The following GLI2 variants were observed in gnomAD, a reference collection of about 807,000 sequenced individuals.
The protein encoded by GLI2 is GLI family zinc finger 2, also known as transcription activator GLI2.
In GLI2, 22 loss-of-function variants were observed where a neutral mutation model predicts 78.9. The ratio of observed to expected loss-of-function variants is 0.28; its 90% CI spans 0.20 to 0.40. The LOEUF (loss-of-function observed/expected upper bound fraction) is 0.40. GLI2 is among the 10% of genes least tolerant of loss of function. The probability of loss-of-function intolerance (pLI) is 1.00; values close to 1 mark genes in which losing one functional copy is unlikely to be tolerated. For missense variants in GLI2, 2,097 were observed against 2,213.2 expected (o/e 0.95, Z 1.05); for synonymous variants, 974 against 963.7 (o/e 1.01, Z -0.20).
chr2:120,923,409 A>G (rs914853435), intron 2 of GLI2, among the ~76,000 whole-genome samples: 1 of 152,102 alleles, frequency 6.6e-6, no homozygotes, highest in African/African-American at 2.4e-5. Flanking sequence ...ACATGCATGT[A>G]CATATACACA....
intron 3 of GLI2, among the ~76,000 whole-genome samples, chr2:120,935,445 T>C (rs540475728): frequency 6.6e-6 from 1 of 152,298 alleles, no homozygotes; most frequent in South Asian, 2.1e-4. Context: ...CACTGTGATG[T>C]AAACGGCCCT....
chr2:120,844,735 TGCACCCCAAAGGGCACTTACTTTCTGGG>T (rs1687032971), intron 2 of GLI2, among the ~76,000 whole-genome samples: 1 of 151,454 alleles, frequency 6.6e-6, no homozygotes, highest in Non-Finnish European at 1.5e-5. Flanking sequence ...TGTTGTGATC[TGCACCCCAAAGGGCACTTACTTTCTGGG>T]GCACCCCATC....
intron 1 of GLI2, among the ~76,000 whole-genome samples, chr2:120,789,465 C>G (rs1294722968): frequency 1.3e-5 from 2 of 152,134 alleles, no homozygotes; most frequent in Non-Finnish European, 2.9e-5. Flanking sequence ...AGTTCAGGAC[C>G]CTTTCATTCT....
intron 1 of GLI2, among the ~76,000 whole-genome samples, chr2:120,789,122 C>T (rs1239844754): frequency 8.0e-5 from 12 of 150,602 alleles, no homozygotes; most frequent in Non-Finnish European, 1.6e-4. Flanking sequence ...ACCTCCACCT[C>T]CCAGGTTCAT....
rs998474487 is a variant in GLI2 at position 120,917,698 on chromosome 2, G to A, written c.149-9663G>A. 2.6e-5 allele frequency among the ~76,000 whole-genome samples: 4 copies of A among 152,240 alleles called. No homozygotes were observed. In the East Asian group the frequency reaches 7.7e-4, roughly 29 times the overall value. On this transcript the variant is annotated intron_variant, in intron 2 of 13. Transcript: ENST00000361492. ...CCTGGTCACATCCCTTCTGCCTTGG[G>A]CTTCTCCTGCTGCTGACTTTCCCAA...
rs555474895 is a variant in GLI2 at position 120,841,848 on chromosome 2, GGTGTGTGTGT to G, written c.148+44412_148+44421del. Reference sequence around the variant, plus strand: ...AGGACCATTGCAAGCCAGTCTGGAGGGTGTGTGTGTGTGTGTGTGTGTGTGTGTGTGTGTG... The same window carrying G: ...AGGACCATTGCAAGCCAGTCTGGAGGGTGTGTGTGTGTGTGTGTGTGTGTG... On this transcript the variant is annotated intron_variant, in intron 2 of 13. Coordinates refer to ENST00000361492, the MANE Select transcript of GLI2 (RefSeq NM_001374353.1). Among the ~76,000 whole-genome samples, 554 of 132,690 alleles carry G rather than the reference GGTGTGTGTGT, an allele frequency of 4.2e-3. 4 individuals carry two copies. The highest frequency in any genetic ancestry group is 0.015 in the African/African-American group (522 of 35,232). The allele number at this position is 132,690 out of a possible 152,430, so 87.0% of individuals were successfully genotyped here.
intron 2 of GLI2, among the ~76,000 whole-genome samples, chr2:120,801,357 T>C (rs1405470097): frequency 6.6e-6 from 1 of 152,142 alleles, no homozygotes; most frequent in Admixed American, 6.5e-5. Flanking sequence ...CAGGCTGGTC[T>C]CGAATTCCTG....
At chr2:120,974,677 G>T (rs1682360095) in intron 8 of GLI2, among the ~76,000 whole-genome samples, 3 of 152,244 alleles carry the variant, frequency 2.0e-5, no homozygotes, top group African/African-American at 7.2e-5. Flanking sequence ...ATGAAGACAA[G>T]TGTGCACTGG....
rs150690189 is a variant in GLI2, at chr2:120,945,447, C to A, written c.255-5796C>A. Among the ~76,000 whole-genome samples the A allele has an allele frequency of 4.5e-3, 689 of 152,332 alleles. 2 individuals are homozygous for A. Among genetic ancestry groups the A allele is most frequent in the African/African-American group, 0.015 (608 of 41,568 alleles). Reference sequence around the variant, plus strand: ...GGGCAGGATGTCCAGGGACCCTCTCCTGTTCTGCAGGTGGGTGGATGGACA... The same window carrying A: ...GGGCAGGATGTCCAGGGACCCTCTCATGTTCTGCAGGTGGGTGGATGGACA... On this transcript the variant is annotated intron_variant, in intron 3 of 13. Transcript: ENST00000361492.
rs756492771 is a variant in GLI2 at position 120,975,028 on chromosome 2, G to C, written c.1236G>C (p.Glu412Asp). Residue 412 changes from glutamate to aspartate, a missense_variant, in exon 9 of 14, where the codon GAG becomes GAC. By Grantham distance (45) the Glu-to-Asp change is conservative. Transcript: ENST00000361492. The stretch of plus-strand genomic sequence containing the variant: ...TGGACAGGGATGACTGTAAGCAGGA[G>C]GCTGAGGTGGTCATCTATGAGACCA... ...EDLDRDDCKQ[E>D]AEVVIYETNC... 4.3e-6 allele frequency: 7 copies of C among 1,614,038 alleles called. No homozygotes were observed. In the African/African-American group the frequency reaches 9.3e-5, roughly 22 times the overall value.
chr2:120,754,907 C>T (rs1682994733), intron 1 of GLI2, among the ~76,000 whole-genome samples: 1 of 150,626 alleles, frequency 6.6e-6, no homozygotes, highest in Admixed American at 6.6e-5. Context: ...GGCTGGAGTG[C>T]AATGGCGCAA....
chr2:120,871,368 C>T (rs1016792133), intron 2 of GLI2, among the ~76,000 whole-genome samples: 21 of 152,324 alleles, frequency 1.4e-4, no homozygotes, highest in African/African-American at 5.1e-4. Flanking sequence ...TGCACGGGAG[C>T]TGGCTGATGT....
chr2:120,795,359 T>TA (rs1684338537), intron 1 of GLI2, among the ~76,000 whole-genome samples: 1 of 151,564 alleles, frequency 6.6e-6, no homozygotes, highest in South Asian at 2.1e-4. Flanking sequence ...CTGTCTCTAC[T>TA]AAAAAATACA....
chr2:120,976,099 C>A (rs58037350), intron 9 of GLI2, among the ~76,000 whole-genome samples: 4 of 152,202 alleles, frequency 2.6e-5, no homozygotes, highest in African/African-American at 9.7e-5. Context: ...CCAGCACATG[C>A]TCCTTGGTGA....
chr2:120,978,277 G>A lies in GLI2; in HGVS notation c.1318-157G>A, dbSNP rs958448939. Among the ~76,000 whole-genome samples the A allele has an allele frequency of 2.6e-5, 4 of 152,092 alleles. No homozygotes were observed. In the East Asian group the frequency reaches 7.7e-4, roughly 29 times the overall value. ...AGGTGGGATGGGCAATGAGGAGCAC[G>A]GTCTGAACATAATAGGTGTGGTCAG... On this transcript the variant is annotated intron_variant, in intron 9 of 13. Coordinates refer to ENST00000361492, the MANE Select transcript of GLI2 (RefSeq NM_001374353.1).
intron 2 of GLI2, among the ~76,000 whole-genome samples, chr2:120,847,706 G>C (rs951335371): frequency 4.0e-5 from 6 of 150,918 alleles, no homozygotes; most frequent in Admixed American, 3.3e-4. Context: ...CCCAGAGTGA[G>C]CTGGGAGATC....
chr2:120,805,525 A>G (rs749810642), intron 2 of GLI2, among the ~76,000 whole-genome samples: 13 of 152,224 alleles, frequency 8.5e-5, no homozygotes, highest in Non-Finnish European at 1.8e-4. Flanking sequence ...AGTCATTTCC[A>G]CTTACAGAAC....
At chr2:120,898,215 C>CACAA (rs1447294546) in intron 2 of GLI2, among the ~76,000 whole-genome samples, 1 of 150,818 alleles carries the variant, frequency 6.6e-6, no homozygotes, top group African/African-American at 2.4e-5. Context: ...CACACACACA[C>CACAA]AAAATGATTG....
chr2:120,818,099 G>A (rs1330658349), intron 2 of GLI2, among the ~76,000 whole-genome samples: 1 of 152,136 alleles, frequency 6.6e-6, no homozygotes, highest in African/African-American at 2.4e-5. Context: ...CCCTGTGCCT[G>A]CATCTGGTTG....
Sources: allele counts gnomAD v4.1 joint callset (sites outside exome capture counted in the v4.1 genomes callset), GRCh38; gene constraint gnomAD v4.1.1; transcripts MANE v1.5; gene names NCBI Gene and HGNC (gene_info 2026-07-23, HGNC 2026-07-21).